Variants in CHMP4C observed in about 807,000 individuals in gnomAD.
CHMP4C encodes the protein SNF7 homolog associated with Alix 3.
CHMP4C carries 28 observed loss-of-function variants against 29.0 expected under a neutral mutation model. The observed-to-expected ratio is 0.97, with a 90% CI of 0.72 to 1.32. The LOEUF (loss-of-function observed/expected upper bound fraction) is 1.32. CHMP4C is among the 40% of genes most tolerant of loss of function. The probability of loss-of-function intolerance (pLI) is 0.00; values close to 1 mark genes in which losing one functional copy is unlikely to be tolerated. For synonymous variants in CHMP4C, 106 were observed against 102.4 expected (o/e 1.04, Z -0.21); for missense variants, 291 against 281.0 (o/e 1.04, Z -0.25).
At chr8:81,751,607 G>A (rs1043078669) in intron 1 of CHMP4C, among the ~76,000 whole-genome samples, 1 of 151,834 alleles carries the variant, frequency 6.6e-6, no homozygotes, top group Non-Finnish European at 1.5e-5. Context: ...GGGAAAAAAT[G>A]AACAAAGACA....
At chr8:81,746,934 C>G (rs927128443) in intron 1 of CHMP4C, among the ~76,000 whole-genome samples, 1 of 152,090 alleles carries the variant, frequency 6.6e-6, no homozygotes, top group African/African-American at 2.4e-5. Flanking sequence ...TGCCACTGAA[C>G]GAAACATTTT....
intron 1 of CHMP4C, among the ~76,000 whole-genome samples, chr8:81,736,206 A>C (rs925119216): frequency 6.6e-6 from 1 of 151,864 alleles, no homozygotes; most frequent in Non-Finnish European, 1.5e-5. Context: ...CTTAGGCTGG[A>C]TTGCAGTGGT....
intron 3 of CHMP4C, among the ~76,000 whole-genome samples, chr8:81,756,818 G>T (rs1808978737): frequency 6.6e-6 from 1 of 152,086 alleles, no homozygotes; most frequent in Non-Finnish European, 1.5e-5. Context: ...CTATATTTAT[G>T]GTATTTGTCC....
In CHMP4C at chr8:81,732,714, C is replaced by A. The variant is rs780528631; in HGVS notation, c.88C>A (p.Arg30=). Residue 30 remains arginine (R), a synonymous_variant, in exon 1 of 5, where the codon CGG becomes AGG. Transcript: ENST00000297265. ...PSPQEALVRL[R]ETEEMLGKKQ... ...TCCCCAGGAGGCCCTGGTCCGACTT[C>A]GGGAGACTGAGGAGATGCTGGGCAA... 2 of 1,600,638 alleles carry A rather than the reference C, an allele frequency of 1.2e-6. No homozygotes were observed. Among genetic ancestry groups the A allele is most frequent in the Non-Finnish European group, 1.7e-6 (2 of 1,173,722 alleles).
chr8:81,744,146 A>G (rs1289145417), intron 1 of CHMP4C, among the ~76,000 whole-genome samples: 1 of 152,144 alleles, frequency 6.6e-6, no homozygotes, highest in Non-Finnish European at 1.5e-5. Flanking sequence ...CCTCCATGTG[A>G]CATTTAATAT....
intron 1 of CHMP4C, among the ~76,000 whole-genome samples, chr8:81,733,977 A>G (rs1808652349): frequency 6.6e-6 from 1 of 152,238 alleles, no homozygotes; most frequent in Non-Finnish European, 1.5e-5. Context: ...CTCTTTCTGT[A>G]AAAGTGTGCC....
intron 1 of CHMP4C, among the ~76,000 whole-genome samples, chr8:81,735,933 A>G (rs1808682707): frequency 6.6e-6 from 1 of 151,908 alleles, no homozygotes; most frequent in Non-Finnish European, 1.5e-5. Context: ...CTAAAAGTAC[A>G]AAATTAGCCG....
chr8:81,758,043 C>A, intron 3 of CHMP4C, 99 bp from the exon 4 acceptor site: 1 of 1,054,858 alleles, frequency 9.5e-7, no homozygotes. Flanking sequence ...ACTGGGTTCT[C>A]ACATATCAAT....
intron 1 of CHMP4C, among the ~76,000 whole-genome samples, chr8:81,751,985 T>G (rs947336430): frequency 4.6e-5 from 7 of 151,756 alleles, no homozygotes; most frequent in African/African-American, 1.7e-4. Flanking sequence ...ATGAATGGGA[T>G]AGAGAGTAAT....
rs934225664 is a variant in CHMP4C at position 81,753,146 on chromosome 8, C to T, written c.273C>T (p.Phe91=). Residue 91 remains phenylalanine, a synonymous_variant, in exon 2 of 5, where the codon TTC becomes TTT. Transcript: ENST00000297265. ...ATGGCACACTTTCTACCATTGAGTT[C>T]CAGAGAGAAGCCCTGGAGAACTCAC... The part of the protein sequence containing the change: ...QIDGTLSTIE[F]QREALENSHT... The T allele has an allele frequency of 1.2e-6, 2 of 1,612,454 alleles. No individual in the cohort carries two copies. Among genetic ancestry groups the T allele is most frequent in the African/African-American group, 2.7e-5 (2 of 74,818 alleles).
Position 81,732,691 on chromosome 8 carries a change from C to A in CHMP4C, c.65C>A (p.Pro22His). 1 of 1,589,606 alleles carries A rather than the reference C, an allele frequency of 6.3e-7. No individual in the cohort carries two copies. Among genetic ancestry groups the A allele is most frequent in the East Asian group, 2.3e-5 (1 of 44,120 alleles). Residue 22 changes from proline (P) to histidine (H), a missense_variant, in exon 1 of 5, where the codon CCC becomes CAC. Pro to His is a moderately conservative substitution (Grantham distance 77). Transcript: ENST00000297265. ...GSSKSRAAPSPQEALVRLRET... is the reference protein window; with the variant it reads ...GSSKSRAAPSHQEALVRLRET... ...TCTAAGAGCCGAGCCGCTCCCAGTC[C>A]CCAGGAGGCCCTGGTCCGACTTCGG...
intron 2 of CHMP4C, 46 bp from the exon 3 acceptor site, chr8:81,755,324 T>C (rs781094893): frequency 6.6e-6 from 7 of 1,063,908 alleles, no homozygotes; most frequent in South Asian, 1.6e-5. Context: ...AAATTCATAA[T>C]TATAAGTTAA....
In CHMP4C at chr8:81,758,140, A is replaced by G. The variant is rs1388833318; in HGVS notation, c.484-2A>G. 3 of 1,613,772 alleles carry G rather than the reference A, an allele frequency of 1.9e-6. No homozygotes were observed. Among genetic ancestry groups the G allele is most frequent in the Non-Finnish European group, 1.7e-6 (2 of 1,179,762 alleles). ...ATAATTCTTCCTTTCTCCTGTGTTC[A>G]GGATGAGTTGATGGCAGAACTTGAA... On this transcript the variant is annotated splice_acceptor_variant, in intron 3 of 4. Coordinates refer to ENST00000297265, the MANE Select transcript of CHMP4C (RefSeq NM_152284.4). LOFTEE classifies it high-confidence loss of function.
chr8:81,757,775 C>T (rs1199929237), intron 3 of CHMP4C, among the ~76,000 whole-genome samples: 1 of 152,076 alleles, frequency 6.6e-6, no homozygotes, highest in Non-Finnish European at 1.5e-5. Flanking sequence ...CAAAGAAAAA[C>T]ATTTATTTCC....
At chr8:81,735,575 A>T (rs1808679155) in intron 1 of CHMP4C, among the ~76,000 whole-genome samples, 1 of 152,172 alleles carries the variant, frequency 6.6e-6, no homozygotes, top group Admixed American at 6.5e-5. Flanking sequence ...AGGGTGACAT[A>T]ATTTATGTGC....
intron 2 of CHMP4C, among the ~76,000 whole-genome samples, chr8:81,755,011 GT>G (rs1414696584): frequency 6.6e-6 from 1 of 152,118 alleles, no homozygotes; most frequent in East Asian, 1.9e-4. Context: ...AGTGGTCCTG[GT>G]GGTCTGTGGT....
Position 81,753,212 on chromosome 8 carries a change from A to G in CHMP4C, c.339A>G (p.Ala113=). 1.2e-6 allele frequency: 2 copies of G among 1,605,770 alleles called. No individual in the cohort carries two copies. The highest frequency in any genetic ancestry group is 1.7e-6 in the Non-Finnish European group (2 of 1,176,500). Reference sequence around the variant, plus strand: ...TGTTGAGGAACATGGGCTTTGCAGCAAAAGCGATGAAATCTGTTCATGAAA... The same window carrying G: ...TGTTGAGGAACATGGGCTTTGCAGCGAAAGCGATGAAATCTGTTCATGAAA... ...TEVLRNMGFA[A]KAMKSVHENM... Residue 113 remains alanine, a synonymous_variant, in exon 2 of 5, where the codon GCA becomes GCG. Coordinates refer to ENST00000297265, the MANE Select transcript of CHMP4C (RefSeq NM_152284.4).
intron 1 of CHMP4C, among the ~76,000 whole-genome samples, chr8:81,733,884 A>G (rs754878098): frequency 1.2e-4 from 18 of 152,192 alleles, no homozygotes; most frequent in Admixed American, 5.2e-4. Context: ...CCTTGGGAAG[A>G]TTTGGCTCAC....
chr8:81,744,350 C>T (rs758580956), intron 1 of CHMP4C, among the ~76,000 whole-genome samples: 1 of 152,050 alleles, frequency 6.6e-6, no homozygotes, highest in Non-Finnish European at 1.5e-5. Context: ...TGGAAGGAAC[C>T]CATTGTGTAA....
Sources: gnomAD v4.1 joint callset for allele counts (sites outside exome capture counted in the v4.1 genomes callset) on GRCh38, gnomAD v4.1.1 for gene constraint, MANE v1.5 for transcripts, NCBI Gene and HGNC (gene_info 2026-07-23, HGNC 2026-07-21) for gene names.